Variants in ZNF750 observed in about 807,000 individuals in gnomAD.
The protein encoded by ZNF750 is zinc finger protein 750.
In ZNF750, 10 loss-of-function variants were observed where a neutral mutation model predicts 31.6. The ratio of observed to expected loss-of-function variants is 0.32; its 90% CI spans 0.19 to 0.54. ZNF750 has a LOEUF of 0.54. Ranked by LOEUF, ZNF750 falls within the 20% of genes least tolerant of loss-of-function variation. The probability of loss-of-function intolerance (pLI) is 0.95; values close to 1 mark genes in which losing one functional copy is unlikely to be tolerated. For synonymous variants in ZNF750, 400 were observed against 404.9 expected (o/e 0.99, Z 0.15); for missense variants, 914 against 934.9 (o/e 0.98, Z 0.29).
Position 82,830,003 on chromosome 17 carries a change from GTT to G in ZNF750, c.*137_*138del. On this transcript the variant is annotated 3_prime_UTR_variant, in exon 3 of 3. Transcript: ENST00000269394. ...AACTGAATTGGAGGGTTTTTTGTTT[GTT>G]TGTTTGTTTGTTTTTTTGAGAAGCA... 6 of 1,328,042 alleles carry G rather than the reference GTT, an allele frequency of 4.5e-6. No homozygotes were observed. The highest frequency in any genetic ancestry group is 2.2e-5 in the Admixed American group (1 of 44,500). 82.3% of individuals were successfully genotyped at this position (1,328,042 alleles called of 1,614,324 possible).
intron 1 of ZNF750, chr17:82,838,641 G>T (rs2054190464): frequency 1.0e-6 from 1 of 985,406 alleles, no homozygotes. Context: ...TACTCCAATT[G>T]AGCTTTTCCA....
At chr17:82,839,510 G>A (rs2054283395) in intron 1 of ZNF750, among the ~76,000 whole-genome samples, 1 of 150,196 alleles carries the variant, frequency 6.7e-6, no homozygotes, top group African/African-American at 2.5e-5. Flanking sequence ...CAGCCCTAAT[G>A]TACATACACC....
Position 82,835,318 on chromosome 17 carries a change from C to T in ZNF750, c.-182-2682G>A, listed in dbSNP as rs951096867. On this transcript the variant is annotated intron_variant, in intron 1 of 2. Transcript: ENST00000269394. This position sits in a 1 kb window ranked among gnomAD's most constrained non-coding sequence, Gnocchi z 4.5. ...TGTCCTTCCTCCCACACGCCAGGGG[C>T]CAGGGGTGGTGGCTGGGCTTTCATA... Among the ~76,000 whole-genome samples the T allele has an allele frequency of 6.6e-6, 1 of 152,162 alleles. No individual in the cohort carries two copies. Among genetic ancestry groups the T allele is most frequent in the African/African-American group, 2.4e-5 (1 of 41,448 alleles).
chr17:82,831,331 A>G lies in ZNF750; in HGVS notation c.1124T>C (p.Val375Ala). The G allele has an allele frequency of 1.2e-6, 2 of 1,613,822 alleles. No homozygotes were observed. Among genetic ancestry groups the G allele is most frequent in the Non-Finnish European group, 1.7e-6 (2 of 1,179,978 alleles). Residue 375 changes from valine (V) to alanine (A), a missense_variant, in exon 2 of 3, where the codon GTC becomes GCC. By Grantham distance (64) the Val-to-Ala change is moderately conservative (BLOSUM62 0). This residue lies in a region of ZNF750 where 880 missense variants were observed against 868.9 expected (regional missense o/e 1.01). Coordinates refer to ENST00000269394, the MANE Select transcript of ZNF750 (RefSeq NM_024702.3). The surrounding 1 kb of genome is among the most constrained non-coding windows in gnomAD (Gnocchi z 4.6). ...LNPSDPNRKH[V>A]EFESPIPEAK... ...CTCAGGAATTGGACTTTCGAACTCG[A>G]CGTGTTTTCTGTTGGGGTCCGAAGG...
chr17:82,838,728 G>GGAAAAGACA, intron 1 of ZNF750: 7 of 985,374 alleles, frequency 7.1e-6, no homozygotes, highest in Non-Finnish European at 8.4e-6. Flanking sequence ...CAAGACCTGG[G>GGAAAAGACA]GAAAAGACAG....
In ZNF750 at chr17:82,830,864, T is replaced by A; in HGVS notation, c.1450A>T (p.Asn484Tyr). The A allele has an allele frequency of 6.2e-7, 1 of 1,612,370 alleles. No individual in the cohort carries two copies. The highest frequency in any genetic ancestry group is 8.5e-7 in the Non-Finnish European group (1 of 1,179,964). ...CCGGTCGGAGCAGGAGGGTCTCCGTTCACAACATTGAGGCTAGAAGAAGCC... is the reference window on the plus strand; with the variant it reads ...CCGGTCGGAGCAGGAGGGTCTCCGTACACAACATTGAGGCTAGAAGAAGCC... The part of the protein sequence containing the change: ...AESPVSLNVV[N>Y]GDPPAPTGSA... The change falls in exon 3 of 3, where the codon AAC becomes TAC. Residue 484 changes from asparagine (N) to tyrosine (Y), a missense_variant. Physicochemically the swap from Asn to Tyr is moderately radical, Grantham distance 143 (BLOSUM62 -2). This residue lies in a region of ZNF750 where 880 missense variants were observed against 868.9 expected (regional missense o/e 1.01). Coordinates refer to ENST00000269394, the MANE Select transcript of ZNF750 (RefSeq NM_024702.3).
chr17:82,830,602 C>T lies in ZNF750; in HGVS notation c.1712G>A (p.Arg571Gln), dbSNP rs768704098. 1.5e-5 allele frequency: 24 copies of T among 1,613,866 alleles called. No homozygotes were observed. The East Asian group carries it at 2.0e-4, about 13-fold the overall frequency. ...AGCAGCAGGTTCTGCAGCTCGTGGT[C>T]GACCGGGGAAGGCAGGCCTCGGAGC... The part of the protein sequence containing the change: ...TQAPRPAFPG[R>Q]PRAAEPAAAV... Residue 571 changes from arginine to glutamine, a missense_variant, in exon 3 of 3, where the codon CGA (arginine) becomes CAA (glutamine). Physicochemically the swap from Arg to Gln is conservative, Grantham distance 43 (BLOSUM62 1). This residue lies in a region of ZNF750 where 880 missense variants were observed against 868.9 expected (regional missense o/e 1.01). Transcript: ENST00000269394.
At position 82,832,097 on chromosome 17, in the gene ZNF750, G is replaced by T. The variant is rs776475239; in HGVS notation, c.358C>A (p.Arg120=). 7 of 1,614,052 alleles carry T rather than the reference G, an allele frequency of 4.3e-6. No homozygotes were observed. In the African/African-American group the frequency reaches 5.3e-5, roughly 12 times the overall value. The change falls in exon 2 of 3, where the codon CGG becomes AGG. Residue 120 remains arginine, a synonymous_variant. Coordinates refer to ENST00000269394, the MANE Select transcript of ZNF750 (RefSeq NM_024702.3). This position sits in a 1 kb window ranked among gnomAD's most constrained non-coding sequence, Gnocchi z 4.9. ...TGTCCCAGGCACCTGTGGGTTCCCC[G>T]GGCTTGCAGCTCCAGGTTTTCCTTG... The part of the protein sequence containing the change: ...DIKENLELQA[R]GTHRCLGQKP...
At position 82,830,409 on chromosome 17, in the gene ZNF750, G is replaced by A; in HGVS notation, c.1905C>T (p.Ala635=). The change falls in exon 3 of 3, where the codon GCC becomes GCT. Residue 635 remains alanine, a synonymous_variant. Transcript: ENST00000269394. ...AGGCCGCCAGCTGGCACAGGGCCAC[G>A]GCTGCCGTCTGCTTCTGCTCCTCGC... is the stretch of plus-strand genomic sequence containing the variant. The part of the protein sequence containing the change: ...DSSEEQKQTA[A]VALCQLAAYS... The A allele has an allele frequency of 6.2e-7, 1 of 1,611,748 alleles. No homozygotes were observed. Among genetic ancestry groups the A allele is most frequent in the Non-Finnish European group, 8.5e-7 (1 of 1,179,938 alleles).
At position 82,833,525 on chromosome 17, in the gene ZNF750, T is replaced by C. The variant is rs1467736944; in HGVS notation, c.-182-889A>G. On this transcript the variant is annotated intron_variant, in intron 1 of 2. Transcript: ENST00000269394. This position sits in a 1 kb window ranked among gnomAD's most constrained non-coding sequence, Gnocchi z 4.7. ...TTTATGTTGACTTAAATGGTTGAAATACTGTTGGTGAATTTGTACATCCTG... is the reference window on the plus strand; with the variant it reads ...TTTATGTTGACTTAAATGGTTGAAACACTGTTGGTGAATTTGTACATCCTG... Among the ~76,000 whole-genome samples, 1 of 152,230 alleles carries C rather than the reference T, an allele frequency of 6.6e-6. No individual in the cohort carries two copies. Among genetic ancestry groups the C allele is most frequent in the Non-Finnish European group, 1.5e-5 (1 of 68,044 alleles).
At chr17:82,838,446 C>G (rs1460295611) in intron 1 of ZNF750, among the ~76,000 whole-genome samples, 2 of 152,184 alleles carry the variant, frequency 1.3e-5, no homozygotes, top group Non-Finnish European at 2.9e-5. Flanking sequence ...AACCTGTGCC[C>G]TGAGATTGTG....
intron 1 of ZNF750, among the ~76,000 whole-genome samples, chr17:82,837,234 A>G (rs1164173976): frequency 6.6e-6 from 1 of 152,206 alleles, no homozygotes; most frequent in Non-Finnish European, 1.5e-5. Flanking sequence ...ATAAGGATGA[A>G]GAAACCAAAC....
chr17:82,838,468 C>T (rs984891542), intron 1 of ZNF750, among the ~76,000 whole-genome samples: 4 of 152,180 alleles, frequency 2.6e-5, no homozygotes, highest in Non-Finnish European at 5.9e-5. Context: ...TGTAATGTTC[C>T]TTTTGGTGGT....
Position 82,831,612 on chromosome 17 carries a change from CG to C in ZNF750, c.842del (p.Pro281ArgfsTer85). On this transcript the variant is annotated frameshift_variant, in exon 2 of 3. Coordinates refer to ENST00000269394, the MANE Select transcript of ZNF750 (RefSeq NM_024702.3). LOFTEE classifies it high-confidence loss of function. The surrounding 1 kb of genome is among the most constrained non-coding windows in gnomAD (Gnocchi z 4.6). ...PLLSVYGTQD[P>X]RHFLPHPGPI... Reference sequence around the variant, plus strand: ...GCCCCGGGTGAGGCAGGAAGTGTCTCGGGTCTTGGGTTCCGTAGACTGACAG... The same window carrying C: ...GCCCCGGGTGAGGCAGGAAGTGTCTCGGTCTTGGGTTCCGTAGACTGACAG... The C allele has an allele frequency of 2.5e-6, 4 of 1,614,108 alleles. No homozygotes were observed. Among genetic ancestry groups the C allele is most frequent in the Non-Finnish European group, 3.4e-6 (4 of 1,180,020 alleles).
In ZNF750 at chr17:82,831,610, C is replaced by T. The variant is rs1567853316; in HGVS notation, c.845G>A (p.Arg282Lys). The change falls in exon 2 of 3, where the codon AGA becomes AAA. Residue 282 changes from arginine to lysine, a missense_variant. Arg to Lys is a conservative substitution (Grantham distance 26, BLOSUM62 2). This residue lies in a region of ZNF750 where 880 missense variants were observed against 868.9 expected (regional missense o/e 1.01). Transcript: ENST00000269394. The surrounding 1 kb of genome is among the most constrained non-coding windows in gnomAD (Gnocchi z 4.6). ...CGGCCCCGGGTGAGGCAGGAAGTGT[C>T]TCGGGTCTTGGGTTCCGTAGACTGA... Reference protein sequence around the residue: ...LLSVYGTQDPRHFLPHPGPIP... With the variant: ...LLSVYGTQDPKHFLPHPGPIP... 6.2e-7 allele frequency: 1 copy of T among 1,614,124 alleles called. No homozygotes were observed. The highest frequency in any genetic ancestry group is 1.7e-5 in the Admixed American group (1 of 60,014).
At position 82,833,805 on chromosome 17, in the gene ZNF750, C is replaced by T. The variant is rs1051045327; in HGVS notation, c.-182-1169G>A. On this transcript the variant is annotated intron_variant, in intron 1 of 2. Coordinates refer to ENST00000269394, the MANE Select transcript of ZNF750 (RefSeq NM_024702.3). This position sits in a 1 kb window ranked among gnomAD's most constrained non-coding sequence, Gnocchi z 4.7. ...CCCTCTGGCCACACCCACTCAGGTC[C>T]TGGGACCCACCAGAGGCTGTGTGTG... Among the ~76,000 whole-genome samples the T allele has an allele frequency of 3.9e-5, 6 of 152,174 alleles. No homozygotes were observed. Among genetic ancestry groups the T allele is most frequent in the African/African-American group, 1.4e-4 (6 of 41,412 alleles).
chr17:82,837,343 G>C (rs1232121270), intron 1 of ZNF750, among the ~76,000 whole-genome samples: 1 of 152,192 alleles, frequency 6.6e-6, no homozygotes, highest in African/African-American at 2.4e-5. Flanking sequence ...TTTGTACTCT[G>C]GCAGCTGCTG....
rs1182862935 is a variant in ZNF750 at position 82,832,171 on chromosome 17, A to G, written c.284T>C (p.Leu95Pro). The change falls in exon 2 of 3, where the codon CTC becomes CCC. Residue 95 changes from leucine to proline, a missense_variant. By Grantham distance (98) the Leu-to-Pro change is moderately conservative. Coordinates refer to ENST00000269394, the MANE Select transcript of ZNF750 (RefSeq NM_024702.3). This position sits in a 1 kb window ranked among gnomAD's most constrained non-coding sequence, Gnocchi z 4.9. ...PASSKSVANG[L>P]SAFDSKLQHS... ...CTGAAGCTTCGAGTCGAAGGCAGAG[A>G]GTCCATTTGCGACAGACTTGGAAGA... The G allele has an allele frequency of 1.2e-6, 2 of 1,614,222 alleles. No individual in the cohort carries two copies. The highest frequency in any genetic ancestry group is 4.5e-5 in the East Asian group (2 of 44,880).
chr17:82,837,004 G>A (rs1032229585), intron 1 of ZNF750, among the ~76,000 whole-genome samples: 1 of 152,208 alleles, frequency 6.6e-6, no homozygotes, highest in Non-Finnish European at 1.5e-5. Flanking sequence ...TCGGGCAGTG[G>A]TTTTAGTAAC....
Sources: allele counts gnomAD v4.1 joint callset (sites outside exome capture counted in the v4.1 genomes callset), GRCh38; gene constraint gnomAD v4.1.1; regional missense constraint gnomAD v4.1.1; non-coding constraint Gnocchi (gnomAD v3.1); transcripts MANE v1.5; gene names NCBI Gene and HGNC (gene_info 2026-07-23, HGNC 2026-07-21).